The following SLC44A4 variants were observed in gnomAD, a reference collection of about 807,000 sequenced individuals.
The protein encoded by SLC44A4 is choline transporter-like protein 4.
Under a neutral mutation model 97.0 loss-of-function variants are expected in SLC44A4, and 74 were observed. The ratio of observed to expected loss-of-function variants is 0.76; its 90% CI spans 0.63 to 0.93. The LOEUF (loss-of-function observed/expected upper bound fraction) is 0.93, where lower values mean the gene tolerates loss of function less well. Ranked by LOEUF, SLC44A4 falls within the 40% of genes least tolerant of loss-of-function variation. The pLI is 0.00. For missense variants in SLC44A4, 799 were observed against 902.9 expected, an observed-to-expected ratio of 0.88 and a Z score of 1.48; for synonymous variants, 325 against 363.8, an observed-to-expected ratio of 0.89 and a Z score of 1.21.
chr6:31,865,941 G>A lies in SLC44A4; in HGVS notation c.1419C>T (p.Tyr473=). 6.2e-7 allele frequency: 1 copy of A among 1,614,230 alleles called. No individual in the cohort carries two copies. Among genetic ancestry groups the A allele is most frequent in the Non-Finnish European group, 8.5e-7 (1 of 1,180,030 alleles). ...CVLAGAFASF[Y]WAFHKPQDIP... ...TGTCCTGGGGCTTGTGGAAGGCCCA[G>A]TAGAAGGAGGCAAAGGCTCCAGCGA... Residue 473 remains tyrosine (Y), a synonymous_variant, in exon 14 of 21, where the codon TAC becomes TAT. Transcript: ENST00000229729. The surrounding 1 kb of genome is among the most constrained non-coding windows in gnomAD (Gnocchi z 5.2).
rs1762747777 is a variant in SLC44A4, at chr6:31,864,726, A to G, written c.1937T>C (p.Leu646Pro). 1 of 1,614,086 alleles carries G rather than the reference A, an allele frequency of 6.2e-7. No individual in the cohort carries two copies. The highest frequency in any genetic ancestry group is 8.5e-7 in the Non-Finnish European group (1 of 1,180,044). The change falls in exon 20 of 21, where the codon CTG becomes CCG. Residue 646 changes from leucine (L) to proline (P), a missense_variant. Leu to Pro is a moderately conservative substitution (Grantham distance 98). Transcript: ENST00000229729. ...GCCGCTGGCGATGACATAGGCCCCC[A>G]GGATGGAGGTCTGGAAGACATGACC... Reference protein sequence around the residue: ...YYWLPIMTSILGAYVIASGFF... With the variant: ...YYWLPIMTSIPGAYVIASGFF...
chr6:31,877,008 C>A lies in SLC44A4; in HGVS notation c.89+26G>T. 1 of 1,600,432 alleles carries A rather than the reference C, an allele frequency of 6.2e-7. No individual in the cohort carries two copies. Among genetic ancestry groups the A allele is most frequent in the Middle Eastern group, 1.7e-4 (1 of 6,048 alleles). The stretch of plus-strand genomic sequence containing the variant: ...ACACTGCACCCACCACCCCCGCCAG[C>A]CCCCGGAGCAGTGCCCAGAGCTCAC... On this transcript the variant is annotated intron_variant, in intron 2 of 20. Coordinates refer to ENST00000229729, the MANE Select transcript of SLC44A4 (RefSeq NM_025257.3). The surrounding 1 kb of genome is among the most constrained non-coding windows in gnomAD (Gnocchi z 6.5).
chr6:31,865,295 C>T lies in SLC44A4; in HGVS notation c.1760+20G>A, dbSNP rs199617182. On this transcript the variant is annotated intron_variant, in intron 17 of 20. Transcript: ENST00000229729. This position sits in a 1 kb window ranked among gnomAD's most constrained non-coding sequence, Gnocchi z 5.2. ...GAGATCAGAGGAGGGAGCCACAAAGCGGGGGGGGAGCAGCCTAACCTGACA... is the reference window on the plus strand; with the variant it reads ...GAGATCAGAGGAGGGAGCCACAAAGTGGGGGGGGAGCAGCCTAACCTGACA... The T allele has an allele frequency of 2.2e-5, 35 of 1,609,646 alleles. No homozygotes were observed. In the East Asian group the frequency reaches 2.2e-4, roughly 10 times the overall value.
chr6:31,871,152 TA>T (rs1562451268), intron 9 of SLC44A4, 105 bp from the exon 10 acceptor site: 1 of 1,275,426 alleles, frequency 7.8e-7, no homozygotes, highest in Non-Finnish European at 1.1e-6. Flanking sequence ...GTCCCCAGAT[TA>T]GGCCTCTTTC....
chr6:31,864,563 A>G, intron 20 of SLC44A4, 89 bp downstream of exon 20: 1 of 1,246,062 alleles, frequency 8.0e-7, no homozygotes, highest in Non-Finnish European at 1.2e-6. Context: ...CATTGTTTCT[A>G]GAAGCACCAA....
In SLC44A4 at chr6:31,871,046, C is replaced by A. The variant is rs148035654; in HGVS notation, c.703G>T (p.Ala235Ser). 2.2e-5 allele frequency: 35 copies of A among 1,603,236 alleles called. No individual in the cohort carries two copies. In the African/African-American group the frequency reaches 4.5e-4, roughly 21 times the overall value. Residue 235 changes from alanine to serine, a missense_variant and splice_region_variant, in exon 10 of 21, where the codon GCC becomes TCC. Around this residue, in one of 3 missense-constraint regions of SLC44A4, gnomAD observed 409 missense variants for 434.1 expected, o/e 0.94. Transcript: ENST00000229729. Reference protein sequence around the residue: ...FAQSWYWILVALGVALVLSLL... With the variant: ...FAQSWYWILVSLGVALVLSLL... ...CTCAAGACCAGAGCCACCCCCAGGG[C>A]ACTGTAGGCAGGGTGAGGACAGTGA...
chr6:31,877,166 A>G lies in SLC44A4; in HGVS notation c.41-84T>C. The G allele has an allele frequency of 7.1e-7, 1 of 1,413,386 alleles. No individual in the cohort carries two copies. The highest frequency in any genetic ancestry group is 2.0e-5 in the Admixed American group (1 of 50,046). 87.6% of individuals were successfully genotyped at this position (1,413,386 alleles called of 1,614,324 possible). On this transcript the variant is annotated intron_variant, in intron 1 of 20. Transcript: ENST00000229729. The surrounding 1 kb of genome is among the most constrained non-coding windows in gnomAD (Gnocchi z 6.5). Reference sequence around the variant, plus strand: ...TGAGTCCTCCTAGCCCCAGGATCCTACCCAGGCCTCAGGTGTTTGGAGGGA... The same window carrying G: ...TGAGTCCTCCTAGCCCCAGGATCCTGCCCAGGCCTCAGGTGTTTGGAGGGA...
At position 31,865,042 on chromosome 6, in the gene SLC44A4, A is replaced by G; in HGVS notation, c.1799T>C (p.Phe600Ser). The G allele has an allele frequency of 6.2e-7, 1 of 1,613,642 alleles. No homozygotes were observed. The highest frequency in any genetic ancestry group is 8.5e-7 in the Non-Finnish European group (1 of 1,180,038). ...VLDKVTDLLL[F>S]FGKLLVVGGV... ...TCCGACCACCAGCAGCTTCCCAAAG[A>G]ACAGCAGCAGGTCTGTGACTTTGTC... Residue 600 changes from phenylalanine (F) to serine (S), a missense_variant, in exon 18 of 21, where the codon TTC (phenylalanine) becomes TCC (serine). This residue lies in a region of SLC44A4 where 379 missense variants were observed against 438.3 expected (regional missense o/e 0.86). Coordinates refer to ENST00000229729, the MANE Select transcript of SLC44A4 (RefSeq NM_025257.3). The surrounding 1 kb of genome is among the most constrained non-coding windows in gnomAD (Gnocchi z 5.2).
chr6:31,865,480 G>T lies in SLC44A4; in HGVS notation c.1686+18C>A, dbSNP rs749290460. 4.3e-6 allele frequency: 7 copies of T among 1,612,186 alleles called. No homozygotes were observed. In the Admixed American group the frequency reaches 1.2e-4, roughly 27 times the overall value. ...CCAAAGGGCACCAGAACAAAGGGTT[G>T]CTTGCAGTGTAGCTCACCATGATGT... is the stretch of plus-strand genomic sequence containing the variant. On this transcript the variant is annotated intron_variant, in intron 16 of 20. Transcript: ENST00000229729. The surrounding 1 kb of genome is among the most constrained non-coding windows in gnomAD (Gnocchi z 5.2).
chr6:31,870,518 C>G, intron 11 of SLC44A4, 85 bp downstream of exon 11: 2 of 1,096,648 alleles, frequency 1.8e-6, no homozygotes, highest in Non-Finnish European at 2.7e-6. Context: ...GGCTCCCTGC[C>G]ACCTCTCTAG....
chr6:31,872,872 T>A (rs965008795), intron 7 of SLC44A4, among the ~76,000 whole-genome samples: 3 of 149,416 alleles, frequency 2.0e-5, no homozygotes, highest in Non-Finnish European at 3.0e-5. Flanking sequence ...CATCTTATGC[T>A]ATAAATTGTC....
chr6:31,869,195 C>T lies in SLC44A4; in HGVS notation c.1193G>A (p.Gly398Asp), dbSNP rs1763014941. The T allele has an allele frequency of 6.2e-7, 1 of 1,610,824 alleles. No homozygotes were observed. Among genetic ancestry groups the T allele is most frequent in the African/African-American group, 1.3e-5 (1 of 74,840 alleles). ...TGTATTTATTGGCACTTTCTCACAG[C>T]CGGGGGAGCTGATGTTGGATGCCCA... is the stretch of plus-strand genomic sequence containing the variant. ...VLWASNISSP[G>D]CEKVPINTSC... Residue 398 changes from glycine (G) to aspartate (D), a missense_variant, in exon 13 of 21, where the codon GGC becomes GAC. Around this residue, in one of 3 missense-constraint regions of SLC44A4, gnomAD observed 379 missense variants for 438.3 expected, o/e 0.86. Transcript: ENST00000229729.
In SLC44A4 at chr6:31,875,881, A is replaced by G; in HGVS notation, c.213T>C (p.Thr71=). Residue 71 remains threonine, a synonymous_variant, in exon 4 of 21, where the codon ACT becomes ACC. Coordinates refer to ENST00000229729, the MANE Select transcript of SLC44A4 (RefSeq NM_025257.3). ...TCTCCCCCATGCCACAGTAGGCCCC[A>G]GTAGAGTTCCTGGGGTAGAGGACTT... is the stretch of plus-strand genomic sequence containing the variant. ...PRQVLYPRNS[T]GAYCGMGENK... The G allele has an allele frequency of 1.2e-6, 2 of 1,613,156 alleles. No homozygotes were observed. Among genetic ancestry groups the G allele is most frequent in the Non-Finnish European group, 1.7e-6 (2 of 1,179,674 alleles).
rs1763141210 is a variant in SLC44A4 at position 31,870,975 on chromosome 6, C to T, written c.774G>A (p.Val258=). ...CCAGCACTCCCAGGATCAGCACCAGCACCAGGGGCCCAGCCACCAGGCGCA... is the reference window on the plus strand; with the variant it reads ...CCAGCACTCCCAGGATCAGCACCAGTACCAGGGGCCCAGCCACCAGGCGCA... ...LLLRLVAGPL[V]LVLILGVLGV... is the part of the protein sequence containing the mutation. Residue 258 remains valine (V), a synonymous_variant, in exon 10 of 21, where the codon GTG becomes GTA. Transcript: ENST00000229729. 1.2e-6 allele frequency: 2 copies of T among 1,613,020 alleles called. No individual in the cohort carries two copies. Among genetic ancestry groups the T allele is most frequent in the African/African-American group, 2.7e-5 (2 of 75,018 alleles).
Position 31,878,931 on chromosome 6 carries a change from C to CCAGTCTCA in SLC44A4, c.40+2_40+9dup, listed in dbSNP as rs769105808. ...CCTCCACAGGGTCCCGGGCCTCGCCCCAGTCTCACCGTAGGCCTCGTCATC... is the reference window on the plus strand; with the variant it reads ...CCTCCACAGGGTCCCGGGCCTCGCCCCAGTCTCACAGTCTCACCGTAGGCCTCGTCATC... On this transcript the variant is annotated intron_variant, in intron 1 of 20. Transcript: ENST00000229729. This position sits in a 1 kb window ranked among gnomAD's most constrained non-coding sequence, Gnocchi z 4.0. 2.6e-5 allele frequency: 42 copies of CCAGTCTCA among 1,613,800 alleles called. 1 individual carries two copies. The South Asian group carries it at 4.5e-4, about 17-fold the overall frequency.
rs1231137051 is a variant in SLC44A4 at position 31,865,372 on chromosome 6, T to C, written c.1703A>G (p.Lys568Arg). Residue 568 changes from lysine (K) to arginine (R), a missense_variant, in exon 17 of 21, where the codon AAG (lysine) becomes AGG (arginine). Lys to Arg is a conservative substitution (Grantham distance 26, BLOSUM62 2). This residue lies in a region of SLC44A4 where 379 missense variants were observed against 438.3 expected (regional missense o/e 0.86). Coordinates refer to ENST00000229729, the MANE Select transcript of SLC44A4 (RefSeq NM_025257.3). This position sits in a 1 kb window ranked among gnomAD's most constrained non-coding sequence, Gnocchi z 5.2. ...ATTTTTGGCTGAGACACAGAAATTC[T>C]TCCCGTAGATGGCGATCTGAGGGAG... is the stretch of plus-strand genomic sequence containing the variant. ...NAYIMIAIYG[K>R]NFCVSAKNAF... 6.2e-7 allele frequency: 1 copy of C among 1,613,896 alleles called. No individual in the cohort carries two copies. Among genetic ancestry groups the C allele is most frequent in the Non-Finnish European group, 8.5e-7 (1 of 1,180,022 alleles).
At chr6:31,864,371 T>C (rs1442829907) in intron 20 of SLC44A4, 6 of 549,746 alleles carry the variant, frequency 1.1e-5, no homozygotes, top group African/African-American at 1.9e-5. Context: ...CCACCATGCC[T>C]GGCCTCTAAT....
intron 13 of SLC44A4, among the ~76,000 whole-genome samples, chr6:31,867,711 C>CT (rs1342817287): frequency 6.7e-6 from 1 of 150,346 alleles, no homozygotes. Context: ...GTGTAACAGC[C>CT]TTTTTTTCAT....
chr6:31,874,496 C>T lies in SLC44A4; in HGVS notation c.493G>A (p.Glu165Lys). ...GGGAGGAGGAAACTGGGGCAGAGTT[C>T]CTGTTGCAGGCTTGTGATCACCGTC... ...NMTVITSLQQ[E>K]LCPSFLLPSA... Residue 165 changes from glutamate (E) to lysine (K), a missense_variant, in exon 7 of 21, where the codon GAA becomes AAA. Around this residue, in one of 3 missense-constraint regions of SLC44A4, gnomAD observed 409 missense variants for 434.1 expected, o/e 0.94. Transcript: ENST00000229729. This position sits in a 1 kb window ranked among gnomAD's most constrained non-coding sequence, Gnocchi z 4.8. 1.9e-6 allele frequency: 3 copies of T among 1,612,976 alleles called. No homozygotes were observed. In the South Asian group the frequency reaches 3.3e-5, roughly 18 times the overall value.
Sources: gnomAD v4.1 joint callset for allele counts (sites outside exome capture counted in the v4.1 genomes callset) on GRCh38, gnomAD v4.1.1 for gene constraint, gnomAD v4.1.1 regional missense constraint, Gnocchi (gnomAD v3.1) non-coding constraint, MANE v1.5 for transcripts, NCBI Gene and HGNC (gene_info 2026-07-23, HGNC 2026-07-21) for gene names.